Variants in ADAMTS12 observed in about 807,000 individuals in gnomAD.
ADAMTS12 encodes ADAM metallopeptidase with thrombospondin type 1 motif 12.
A neutral mutation model predicts 167.8 loss-of-function variants in ADAMTS12; 118 were observed. The observed-to-expected ratio is 0.70, with a 90% CI of 0.61 to 0.82. The LOEUF (loss-of-function observed/expected upper bound fraction) is 0.82. ADAMTS12 is among the 40% of genes least tolerant of loss of function. The pLI is 0.00. For missense variants in ADAMTS12, 1,916 were observed against 1,998.8 expected, an observed-to-expected ratio of 0.96 and a Z score of 0.79; for synonymous variants, 704 against 716.9, an observed-to-expected ratio of 0.98 and a Z score of 0.29.
In ADAMTS12 at chr5:33,881,128, G is replaced by A. The variant is rs1750421100; in HGVS notation, c.480C>T (p.Cys160=). The change falls in exon 2 of 24, where the codon TGC becomes TGT. Residue 160 remains cysteine (C), a synonymous_variant. Transcript: ENST00000504830. ...CAGAGCCCACACTCACCAGTCCATGGCAGGCACTGAGGGCTGCCGTCCCAA... is the reference window on the plus strand; with the variant it reads ...CAGAGCCCACACTCACCAGTCCATGACAGGCACTGAGGGCTGCCGTCCCAA... ...TRVGTAALSA[C]HGLTGFFQLP... 6.2e-7 allele frequency: 1 copy of A among 1,613,156 alleles called. No individual in the cohort carries two copies. The highest frequency in any genetic ancestry group is 1.3e-5 in the African/African-American group (1 of 74,866).
chr5:33,808,665 T>A (rs1316159333), intron 2 of ADAMTS12, among the ~76,000 whole-genome samples: 1 of 152,234 alleles, frequency 6.6e-6, no homozygotes, highest in Non-Finnish European at 1.5e-5. Context: ...TATAAGCATG[T>A]CTATTTACAT....
chr5:33,553,116 G>T (rs1206105200), intron 20 of ADAMTS12, among the ~76,000 whole-genome samples: 2 of 152,136 alleles, frequency 1.3e-5, no homozygotes, highest in Non-Finnish European at 2.9e-5. Context: ...ATGAAAAAAA[G>T]CTCAATATCA....
At chr5:33,709,976 C>T (rs1053497159) in intron 3 of ADAMTS12, among the ~76,000 whole-genome samples, 5 of 152,030 alleles carry the variant, frequency 3.3e-5, no homozygotes, top group African/African-American at 9.7e-5. Flanking sequence ...ACCAAGTGTA[C>T]GAGATTCTAA....
intron 9 of ADAMTS12, among the ~76,000 whole-genome samples, chr5:33,644,025 A>C (rs757984281): frequency 7.2e-5 from 11 of 152,238 alleles, no homozygotes; most frequent in Non-Finnish European, 1.2e-4. Flanking sequence ...GAAGGTTGGC[A>C]GGATTCTCAG....
rs761160677 is a variant in ADAMTS12 at position 33,549,168 on chromosome 5, G to A, written c.4302+39C>T. ...TAACACAGAGATTCATGGCTTGCCA[G>A]GTTGTGTGAGGACATCTCTCCCTTT... On this transcript the variant is annotated intron_variant, in intron 21 of 23. Coordinates refer to ENST00000504830, the MANE Select transcript of ADAMTS12 (RefSeq NM_030955.4). 36 of 1,596,134 alleles carry A rather than the reference G, an allele frequency of 2.3e-5. No homozygotes were observed. The South Asian group carries it at 3.1e-4, about 14-fold the overall frequency.
At chr5:33,541,323 A>G (rs1744684839) in intron 22 of ADAMTS12, among the ~76,000 whole-genome samples, 1 of 152,240 alleles carries the variant, frequency 6.6e-6, no homozygotes, top group African/African-American at 2.4e-5. Context: ...TCCAAGAAAT[A>G]TGGGACTATG....
intron 12 of ADAMTS12, among the ~76,000 whole-genome samples, chr5:33,632,351 T>C (rs544938649): frequency 1.3e-5 from 2 of 151,428 alleles, no homozygotes; most frequent in East Asian, 3.9e-4. Flanking sequence ...CCATTATGCG[T>C]GTAATACCCA....
intron 2 of ADAMTS12, among the ~76,000 whole-genome samples, chr5:33,833,447 T>G (rs946481067): frequency 1.3e-5 from 2 of 152,198 alleles, no homozygotes; most frequent in Middle Eastern, 3.2e-3. Flanking sequence ...AGCTCTCTTT[T>G]CTTTTCAGAG....
At chr5:33,759,014 T>G (rs924074383) in intron 2 of ADAMTS12, among the ~76,000 whole-genome samples, 3 of 152,208 alleles carry the variant, frequency 2.0e-5, no homozygotes, top group Non-Finnish European at 2.9e-5. Flanking sequence ...GAACCAGTGG[T>G]GACTGAGTCT....
In ADAMTS12 at chr5:33,527,031, C is replaced by G. The variant is rs985464732; in HGVS notation, c.*157G>C. The G allele has an allele frequency of 1.0e-6, 1 of 954,256 alleles. No homozygotes were observed. Among genetic ancestry groups the G allele is most frequent in the Non-Finnish European group, 1.6e-6 (1 of 643,130 alleles). 59.1% of individuals were successfully genotyped at this position (954,256 alleles called of 1,614,324 possible). On this transcript the variant is annotated 3_prime_UTR_variant, in exon 24 of 24. Transcript: ENST00000504830. ...GCCTAGGCCTCCTGTGAGGGACATTCGGTGGCTAGAGGAACACAATGGATT... is the reference window on the plus strand; with the variant it reads ...GCCTAGGCCTCCTGTGAGGGACATTGGGTGGCTAGAGGAACACAATGGATT...
chr5:33,847,817 T>C (rs1339572213), intron 2 of ADAMTS12, among the ~76,000 whole-genome samples: 1 of 152,072 alleles, frequency 6.6e-6, no homozygotes, highest in Non-Finnish European at 1.5e-5. Context: ...CTTTAATGGG[T>C]GGGCACAGCA....
At chr5:33,573,187 T>C (rs1351377637) in intron 19 of ADAMTS12, among the ~76,000 whole-genome samples, 32 of 151,736 alleles carry the variant, frequency 2.1e-4, no homozygotes, top group African/African-American at 6.5e-4. Flanking sequence ...AGGTAATTTA[T>C]AGATTCAATG....
intron 14 of ADAMTS12, among the ~76,000 whole-genome samples, chr5:33,620,067 G>A (rs1446057003): frequency 1.3e-5 from 2 of 152,192 alleles, no homozygotes; most frequent in East Asian, 1.9e-4. Context: ...GTCCTGCACC[G>A]ATGTGAAAGC....
At chr5:33,750,509 T>C (rs1185586007) in intron 3 of ADAMTS12, among the ~76,000 whole-genome samples, 5 of 152,166 alleles carry the variant, frequency 3.3e-5, no homozygotes, top group Non-Finnish European at 7.4e-5. Flanking sequence ...CACTGCCTCA[T>C]CATCTGTTTT....
intron 2 of ADAMTS12, among the ~76,000 whole-genome samples, chr5:33,839,384 A>G (rs551796934): frequency 1.3e-5 from 2 of 152,230 alleles, no homozygotes; most frequent in East Asian, 1.9e-4. Context: ...CGTATTTTAG[A>G]CCTGAATTTT....
intron 16 of ADAMTS12, 60 bp from the exon 17 acceptor site, chr5:33,596,120 A>G (rs1234846996): frequency 1.3e-6 from 2 of 1,592,230 alleles, no homozygotes; most frequent in Non-Finnish European, 1.7e-6. Context: ...GCTCATGGTC[A>G]GGTGAGGTAC....
chr5:33,839,589 G>A (rs1748667447), intron 2 of ADAMTS12, among the ~76,000 whole-genome samples: 1 of 152,148 alleles, frequency 6.6e-6, no homozygotes, highest in Admixed American at 6.5e-5. Context: ...TGCGCTCCAT[G>A]CTGAGGGGAG....
At chr5:33,588,305 C>T (rs1747458262) in intron 18 of ADAMTS12, among the ~76,000 whole-genome samples, 1 of 152,122 alleles carries the variant, frequency 6.6e-6, no homozygotes, top group African/African-American at 2.4e-5. Context: ...AACAATGGGC[C>T]TGGCCAAGCT....
intron 2 of ADAMTS12, among the ~76,000 whole-genome samples, chr5:33,856,478 C>G (rs1487366415): frequency 6.6e-6 from 1 of 152,016 alleles, no homozygotes; most frequent in Non-Finnish European, 1.5e-5. Context: ...AAAGTGGCAG[C>G]CAGTGGGATG....
Sources: allele counts gnomAD v4.1 joint callset (sites outside exome capture counted in the v4.1 genomes callset), GRCh38; gene constraint gnomAD v4.1.1; transcripts MANE v1.5; gene names NCBI Gene and HGNC (gene_info 2026-07-23, HGNC 2026-07-21).